The following FAF1 variants were observed in gnomAD, a reference collection of about 807,000 sequenced individuals.
FAF1 encodes the protein FAS-associated factor 1.
Under a neutral mutation model 92.5 loss-of-function variants are expected in FAF1, and 25 were observed. That is an observed-to-expected ratio of 0.27 (90% CI 0.20 to 0.38). The LOEUF (loss-of-function observed/expected upper bound fraction) is 0.38, where lower values mean the gene tolerates loss of function less well. Ranked by LOEUF, FAF1 falls within the 10% of genes least tolerant of loss-of-function variation. The pLI is 1.00. For synonymous variants in FAF1, 234 were observed against 273.2 expected (o/e 0.86, Z 1.42); for missense variants, 636 against 793.3 (o/e 0.80, Z 2.38).
chr1:50,706,688 G>A (rs1444228889), intron 6 of FAF1, among the ~76,000 whole-genome samples: 2 of 152,070 alleles, frequency 1.3e-5, no homozygotes, highest in Non-Finnish European at 2.9e-5. Context: ...TATTAAATGA[G>A]TATTAAACTA....
At chr1:50,639,317 T>C (rs1375791154) in intron 8 of FAF1, among the ~76,000 whole-genome samples, 1 of 152,004 alleles carries the variant, frequency 6.6e-6, no homozygotes, top group Non-Finnish European at 1.5e-5. Flanking sequence ...TATATAAGAG[T>C]TGAGATTGTA....
At chr1:50,693,248 G>C (rs1657018176) in intron 7 of FAF1, among the ~76,000 whole-genome samples, 1 of 152,008 alleles carries the variant, frequency 6.6e-6, no homozygotes, top group South Asian at 2.1e-4. Context: ...CTGGTGTGAG[G>C]GAACAGTCCA....
At position 50,748,491 on chromosome 1, in the gene FAF1, CAAAAAAA is replaced by C. The variant is rs11346307; in HGVS notation, c.368-3723_368-3717del. 2.3e-5 allele frequency among the ~76,000 whole-genome samples: 3 copies of C among 127,676 alleles called. No individual in the cohort carries two copies. The Admixed American group carries it at 2.4e-4, about 10-fold the overall frequency. 83.8% of individuals were successfully genotyped at this position (127,676 alleles called of 152,430 possible). On this transcript the variant is annotated intron_variant, in intron 4 of 18. Transcript: ENST00000396153. ...AGATGACAAGAGTGAAACTCTGTCT[CAAAAAAA>C]AAAAAAAAGAAAAGAAAAAAAGAAA...
At chr1:50,649,160 AT>A (rs975288722) in intron 8 of FAF1, among the ~76,000 whole-genome samples, 242 of 141,134 alleles carry the variant, frequency 1.7e-3, no homozygotes, top group Non-Finnish European at 2.4e-3. Flanking sequence ...ATTCATTTTA[AT>A]TTTTTTTTTT....
intron 4 of FAF1, chr1:50,780,888 C>T: frequency 2.1e-6 from 1 of 479,694 alleles, no homozygotes; most frequent in Admixed American, 2.1e-5. Flanking sequence ...TGGTGGAAGC[C>T]AAACACATGG....
chr1:50,457,724 C>CAAAAAAAAAA (rs35479561), intron 18 of FAF1, among the ~76,000 whole-genome samples: 160 of 56,240 alleles, frequency 2.8e-3, no homozygotes, highest in African/African-American at 3.8e-3. Flanking sequence ...CCCATCTCTG[C>CAAAAAAAAAA]AAAAAAAAAA....
intron 4 of FAF1, among the ~76,000 whole-genome samples, chr1:50,777,129 T>C (rs907576506): frequency 1.3e-5 from 2 of 151,410 alleles, no homozygotes; most frequent in East Asian, 1.9e-4. Flanking sequence ...ATAAATAATA[T>C]AGGCTGTCAA....
intron 8 of FAF1, among the ~76,000 whole-genome samples, chr1:50,651,817 C>G (rs1173232396): frequency 6.6e-6 from 1 of 152,098 alleles, no homozygotes; most frequent in Non-Finnish European, 1.5e-5. Flanking sequence ...ATAAAAACAC[C>G]ACCGCCTGCA....
intron 4 of FAF1, among the ~76,000 whole-genome samples, chr1:50,777,839 T>C (rs931898041): frequency 1.3e-5 from 2 of 152,134 alleles, no homozygotes; most frequent in African/African-American, 4.8e-5. Flanking sequence ...AGGGAGTAAC[T>C]GGAACCCTGT....
intron 1 of FAF1, among the ~76,000 whole-genome samples, chr1:50,891,329 T>G (rs187755336): frequency 2.0e-5 from 3 of 152,256 alleles, no homozygotes; most frequent in African/African-American, 7.2e-5. Flanking sequence ...CCAGAGAAGT[T>G]TGGTCTTCTG....
chr1:50,851,618 G>A (rs550937647), intron 2 of FAF1, among the ~76,000 whole-genome samples: 6 of 152,290 alleles, frequency 3.9e-5, no homozygotes, highest in African/African-American at 1.2e-4. Context: ...TGTTCTGCTA[G>A]ATGATTAACA....
intron 13 of FAF1, among the ~76,000 whole-genome samples, chr1:50,556,792 G>A (rs1649604818): frequency 6.6e-6 from 1 of 151,950 alleles, no homozygotes; most frequent in Non-Finnish European, 1.5e-5. Flanking sequence ...AGTTGAAACT[G>A]TGCCACTGCA....
rs534559968 is a variant in FAF1, at chr1:50,585,894, A to AG, written c.841-1084_841-1083insC. Among the ~76,000 whole-genome samples, 486 of 150,726 alleles carry AG rather than the reference A, an allele frequency of 3.2e-3. 1 individual carries two copies. Among genetic ancestry groups the AG allele is most frequent in the African/African-American group, 0.011 (473 of 41,240 alleles). The stretch of plus-strand genomic sequence containing the variant: ...TCATCTCTACATAAAAAAAAAAAAA[A>AG]AAAAAAAGAAAAAAGTCTGGCATGA... On this transcript the variant is annotated intron_variant, in intron 9 of 18. Coordinates refer to ENST00000396153, the MANE Select transcript of FAF1 (RefSeq NM_007051.3).
At chr1:50,492,804 C>T (rs1010747181) in intron 15 of FAF1, among the ~76,000 whole-genome samples, 5 of 152,154 alleles carry the variant, frequency 3.3e-5, no homozygotes, top group African/African-American at 1.2e-4. Flanking sequence ...CTAATCAAGA[C>T]TGGCCTTATT....
intron 9 of FAF1, among the ~76,000 whole-genome samples, chr1:50,593,648 T>C (rs1162630337): frequency 6.6e-6 from 1 of 152,242 alleles, no homozygotes; most frequent in Non-Finnish European, 1.5e-5. Flanking sequence ...ATAAACATTT[T>C]TGGAGACCAA....
intron 1 of FAF1, among the ~76,000 whole-genome samples, chr1:50,948,645 G>A (rs60914341): frequency 0.29 from 43,346 of 150,468 alleles, 6,521 homozygotes; most frequent in Middle Eastern, 0.48. Flanking sequence ...CGATTCTCAC[G>A]CCTCAGCCTC....
chr1:50,902,006 A>G (rs188749114), intron 1 of FAF1, among the ~76,000 whole-genome samples: 2 of 152,376 alleles, frequency 1.3e-5, no homozygotes, highest in East Asian at 3.9e-4. Context: ...TAATGAAATT[A>G]CAAAGTACCT....
At chr1:50,910,329 C>T (rs1644874695) in intron 1 of FAF1, among the ~76,000 whole-genome samples, 1 of 152,196 alleles carries the variant, frequency 6.6e-6, no homozygotes. Flanking sequence ...ACTCAGTGGT[C>T]AGGGACCCAC....
intron 7 of FAF1, among the ~76,000 whole-genome samples, chr1:50,676,888 A>C (rs556789926): frequency 6.6e-6 from 1 of 152,102 alleles, no homozygotes; most frequent in Non-Finnish European, 1.5e-5. Flanking sequence ...GAGATATAGG[A>C]GTACATACTT....
Sources: allele counts gnomAD v4.1 joint callset (sites outside exome capture counted in the v4.1 genomes callset), GRCh38; gene constraint gnomAD v4.1.1; transcripts MANE v1.5; gene names NCBI Gene and HGNC (gene_info 2026-07-23, HGNC 2026-07-21).